Variants in TRABD2B observed in about 807,000 individuals in gnomAD.
The protein encoded by TRABD2B is TraB domain containing 2B, also known as metalloprotease TIKI2.
In TRABD2B, 14 loss-of-function variants were observed where a neutral mutation model predicts 40.1. The observed-to-expected ratio is 0.35, with a 90% CI of 0.23 to 0.55. The LOEUF (loss-of-function observed/expected upper bound fraction) is 0.55, where lower values mean the gene tolerates loss of function less well. Among genes scored for constraint, TRABD2B ranks in the 20% least tolerant of loss-of-function variants. The pLI, the probability that TRABD2B is intolerant of heterozygous loss-of-function variation, is 0.90. For synonymous variants in TRABD2B, 263 were observed against 277.0 expected, an observed-to-expected ratio of 0.95 and a Z score of 0.50; for missense variants, 541 against 648.6, an observed-to-expected ratio of 0.83 and a Z score of 1.80.
At chr1:47,820,205 T>C (rs1015917495) in intron 2 of TRABD2B, 5 of 152,208 alleles carry the variant, frequency 3.3e-5, no homozygotes, top group East Asian at 3.9e-4. Flanking sequence ...CCAGCACATA[T>C]GATGCACTCA....
chr1:47,770,457 A>C (rs1270691071), intron 6 of TRABD2B, among the ~76,000 whole-genome samples: 3 of 152,228 alleles, frequency 2.0e-5, no homozygotes, highest in African/African-American at 7.2e-5. Context: ...TCACTGGGCC[A>C]TGACTGATCA....
chr1:47,979,911 G>A (rs534863077), intron 2 of TRABD2B, among the ~76,000 whole-genome samples: 1 of 152,276 alleles, frequency 6.6e-6, no homozygotes, highest in African/African-American at 2.4e-5. Flanking sequence ...CAAGAGGGTT[G>A]GGAAGGTACA....
At chr1:47,992,619 G>A (rs529179221) in intron 2 of TRABD2B, among the ~76,000 whole-genome samples, 3 of 152,194 alleles carry the variant, frequency 2.0e-5, no homozygotes, top group Non-Finnish European at 4.4e-5. Context: ...TGAGATGGGC[G>A]GTGAGCGCCG....
At chr1:47,842,299 T>C (rs1272184475) in intron 2 of TRABD2B, among the ~76,000 whole-genome samples, 2 of 152,216 alleles carry the variant, frequency 1.3e-5, no homozygotes, top group Non-Finnish European at 2.9e-5. Flanking sequence ...TCAGGGGCTC[T>C]GGCCACCTCA....
intron 5 of TRABD2B, among the ~76,000 whole-genome samples, chr1:47,776,588 G>A (rs1185961583): frequency 6.6e-6 from 1 of 152,148 alleles, no homozygotes; most frequent in Admixed American, 6.5e-5. Flanking sequence ...GGCACCCTCT[G>A]TTTTTCTCCC....
intron 2 of TRABD2B, among the ~76,000 whole-genome samples, chr1:47,848,029 G>T (rs542720267): frequency 2.6e-5 from 4 of 152,116 alleles, no homozygotes; most frequent in Non-Finnish European, 4.4e-5. Flanking sequence ...CTCTCTCCAG[G>T]CTAGGCTGCT....
chr1:47,766,256 CAGAG>C, intron 6 of TRABD2B, 150 bp from the exon 7 acceptor site: 1 of 615,420 alleles, frequency 1.6e-6, no homozygotes, highest in Non-Finnish European at 2.9e-6. Flanking sequence ...CCGGGCAGCC[CAGAG>C]CCACACAACC....
intron 2 of TRABD2B, among the ~76,000 whole-genome samples, chr1:47,849,499 C>A (rs1477174081): frequency 2.0e-5 from 3 of 152,208 alleles, no homozygotes; most frequent in South Asian, 4.1e-4. Context: ...CAGATGAATA[C>A]AGTGGCTCAC....
intron 2 of TRABD2B, among the ~76,000 whole-genome samples, chr1:47,807,941 G>T (rs1644914454): frequency 6.6e-6 from 1 of 152,188 alleles, no homozygotes; most frequent in Non-Finnish European, 1.5e-5. Context: ...GAGCCCAACT[G>T]AGAAGGGGTG....
At chr1:47,812,609 C>T (rs370160582) in intron 2 of TRABD2B, among the ~76,000 whole-genome samples, 2 of 152,174 alleles carry the variant, frequency 1.3e-5, no homozygotes, top group Non-Finnish European at 2.9e-5. Context: ...GTCCCAGCTA[C>T]GCAGCAGGCT....
At chr1:47,931,764 GCTCCCT>G (rs1645043235) in intron 2 of TRABD2B, among the ~76,000 whole-genome samples, 2 of 152,152 alleles carry the variant, frequency 1.3e-5, no homozygotes, top group African/African-American at 4.8e-5. Flanking sequence ...TGGCCCAGCT[GCTCCCT>G]GTCCAAGTCC....
At chr1:47,825,176 T>G (rs1645158844) in intron 2 of TRABD2B, among the ~76,000 whole-genome samples, 1 of 152,124 alleles carries the variant, frequency 6.6e-6, no homozygotes, top group Admixed American at 6.5e-5. Context: ...CTCTTCCAAA[T>G]CTGGGGTCTC....
chr1:47,848,720 A>G (rs1570117187), intron 2 of TRABD2B, among the ~76,000 whole-genome samples: 1 of 152,090 alleles, frequency 6.6e-6, no homozygotes, highest in African/African-American at 2.4e-5. Context: ...AGGTCACCAG[A>G]CCCCCAGCCG....
chr1:47,974,322 G>T (rs78466214), intron 2 of TRABD2B, among the ~76,000 whole-genome samples: 2 of 151,896 alleles, frequency 1.3e-5, no homozygotes, highest in African/African-American at 4.8e-5. Flanking sequence ...TCCTTGGCAC[G>T]TGCTGTTCCT....
At chr1:47,846,896 A>ACACACACACACACACACACGC in intron 2 of TRABD2B, among the ~76,000 whole-genome samples, 1 of 148,478 alleles carries the variant, frequency 6.7e-6, no homozygotes, top group East Asian at 2.0e-4. Context: ...ACACACACAC[A>ACACACACACACACACACACGC]AATGAGGGCT....
At chr1:47,976,060 C>T (rs1025070537) in intron 2 of TRABD2B, among the ~76,000 whole-genome samples, 1 of 152,186 alleles carries the variant, frequency 6.6e-6, no homozygotes, top group African/African-American at 2.4e-5. Context: ...TCCCCTGCTT[C>T]ATGTTCCTTT....
intron 2 of TRABD2B, among the ~76,000 whole-genome samples, chr1:47,927,502 G>T (rs938953683): frequency 2.6e-5 from 4 of 152,198 alleles, no homozygotes; most frequent in Non-Finnish European, 4.4e-5. Flanking sequence ...CCTCCCTCCA[G>T]AGAGCCCAGG....
chr1:47,837,430 T>A (rs921822289), intron 2 of TRABD2B, among the ~76,000 whole-genome samples: 2 of 151,988 alleles, frequency 1.3e-5, no homozygotes, highest in Admixed American at 6.5e-5. Flanking sequence ...TGCAGCCCCA[T>A]CTCCTTCACA....
chr1:47,987,219 T>C (rs530533033), intron 2 of TRABD2B, among the ~76,000 whole-genome samples: 3 of 152,200 alleles, frequency 2.0e-5, no homozygotes, highest in South Asian at 2.1e-4. Context: ...TCAGACAATA[T>C]GTTTGCGGAT....
Sources: gnomAD v4.1 joint callset for allele counts (sites outside exome capture counted in the v4.1 genomes callset) on GRCh38, gnomAD v4.1.1 for gene constraint, MANE v1.5 for transcripts, NCBI Gene and HGNC (gene_info 2026-07-23, HGNC 2026-07-21) for gene names.